The following CADM1 variants were observed in gnomAD, a reference collection of about 807,000 sequenced individuals.
CADM1 encodes cell adhesion molecule 1.
A neutral mutation model predicts 53.1 loss-of-function variants in CADM1; 15 were observed. The ratio of observed to expected loss-of-function variants is 0.28; its 90% CI spans 0.19 to 0.44. CADM1 has a LOEUF of 0.44. Ranked by LOEUF, CADM1 falls within the 20% of genes least tolerant of loss-of-function variation. The pLI is 1.00. For synonymous variants in CADM1, 281 were observed against 243.0 expected (o/e 1.16, Z -1.45); for missense variants, 434 against 611.3 (o/e 0.71, Z 3.06).
intron 10 of CADM1, among the ~76,000 whole-genome samples, chr11:115,183,483 A>G (rs1282764603): frequency 6.6e-6 from 1 of 152,180 alleles, no homozygotes; most frequent in Non-Finnish European, 1.5e-5. Flanking sequence ...GCTCCTGGCA[A>G]ATAGGGACTT....
chr11:115,230,399 A>G (rs1050212239), intron 4 of CADM1, among the ~76,000 whole-genome samples: 6 of 152,146 alleles, frequency 3.9e-5, no homozygotes, highest in African/African-American at 1.4e-4. Flanking sequence ...AATACGATTA[A>G]CCCTATTTTA....
At chr11:115,219,222 T>C (rs1325414475) in intron 5 of CADM1, among the ~76,000 whole-genome samples, 4 of 152,154 alleles carry the variant, frequency 2.6e-5, no homozygotes, top group Non-Finnish European at 5.9e-5. Context: ...ATTCATCCTA[T>C]GGAATAAGGG....
intron 2 of CADM1, among the ~76,000 whole-genome samples, chr11:115,238,911 C>T (rs773023798): frequency 9.2e-5 from 14 of 151,932 alleles, no homozygotes; most frequent in African/African-American, 2.7e-4. Flanking sequence ...CACCCAGCTA[C>T]GCACCCTTCT....
intron 1 of CADM1, among the ~76,000 whole-genome samples, chr11:115,244,386 T>C (rs1163851726): frequency 2.6e-5 from 4 of 152,162 alleles, no homozygotes; most frequent in South Asian, 2.1e-4. Flanking sequence ...CTTGCCTGGA[T>C]TGGAATCTAT....
At chr11:115,178,837 C>T (rs1047178864) in intron 10 of CADM1, 62 bp from the exon 11 acceptor site, 83 of 1,574,624 alleles carry the variant, frequency 5.3e-5, no homozygotes, top group African/African-American at 9.5e-5. Flanking sequence ...GAAGCCCCGG[C>T]GACACTGTCT....
intron 8 of CADM1, among the ~76,000 whole-genome samples, chr11:115,203,936 G>T (rs1403182306): frequency 6.6e-6 from 1 of 152,188 alleles, no homozygotes; most frequent in East Asian, 1.9e-4. Context: ...ACTTGAAAAG[G>T]TGGCTTATTA....
At chr11:115,203,179 G>A (rs934976298) in intron 8 of CADM1, among the ~76,000 whole-genome samples, 16 of 151,930 alleles carry the variant, frequency 1.1e-4, no homozygotes, top group Non-Finnish European at 1.5e-5. Context: ...TTCAAGTTTT[G>A]TTAAAAGCTT....
chr11:115,379,767 T>A lies in CADM1; in HGVS notation c.124+124504A>T, dbSNP rs1342134421. The stretch of plus-strand genomic sequence containing the variant: ...TAGTAAAAATGAGATTATGACTCAT[T>A]TCATTCTGCAGATTTTATGAGTTTA... On this transcript the variant is annotated intron_variant, in intron 1 of 11. Coordinates refer to ENST00000331581, the MANE Select transcript of CADM1 (RefSeq NM_001301043.2). Among the ~76,000 whole-genome samples the A allele has an allele frequency of 2.0e-5, 3 of 152,298 alleles. No homozygotes were observed. In the East Asian group the frequency reaches 5.8e-4, roughly 29 times the overall value.
chr11:115,347,947 G>A (rs1169455030), intron 1 of CADM1, among the ~76,000 whole-genome samples: 1 of 152,132 alleles, frequency 6.6e-6, no homozygotes, highest in Non-Finnish European at 1.5e-5. Flanking sequence ...AGTGGTGCAC[G>A]AAAAATAAGG....
At chr11:115,488,055 A>G (rs774191466) in intron 1 of CADM1, among the ~76,000 whole-genome samples, 11 of 151,468 alleles carry the variant, frequency 7.3e-5, no homozygotes, top group Non-Finnish European at 1.5e-4. Context: ...AAAATCTACC[A>G]AGAAAAAGAA....
chr11:115,310,610 G>A (rs558833843), intron 1 of CADM1, among the ~76,000 whole-genome samples: 1 of 152,248 alleles, frequency 6.6e-6, no homozygotes, highest in Admixed American at 6.5e-5. Flanking sequence ...TCTTTGAGTA[G>A]TGTGCATAGG....
intron 1 of CADM1, among the ~76,000 whole-genome samples, chr11:115,481,880 C>T (rs990472785): frequency 2.6e-5 from 4 of 152,176 alleles, no homozygotes; most frequent in African/African-American, 9.6e-5. Context: ...AACTGCTCTC[C>T]TACCTGAGTC....
chr11:115,266,772 T>C (rs936340215), intron 1 of CADM1, among the ~76,000 whole-genome samples: 20 of 152,252 alleles, frequency 1.3e-4, no homozygotes, highest in African/African-American at 4.6e-4. Context: ...TTGATAAACA[T>C]GCATTCTGTA....
intron 1 of CADM1, among the ~76,000 whole-genome samples, chr11:115,373,193 C>T (rs1230261141): frequency 6.6e-6 from 1 of 152,178 alleles, no homozygotes; most frequent in African/African-American, 2.4e-5. Context: ...GCCTGGCTTT[C>T]ACAGAAGTGA....
intron 1 of CADM1, among the ~76,000 whole-genome samples, chr11:115,321,253 T>C (rs550592892): frequency 1.1e-4 from 16 of 152,122 alleles, no homozygotes; most frequent in Non-Finnish European, 1.9e-4. Flanking sequence ...TCCTAAAGAG[T>C]TGCAAGATTG....
intron 1 of CADM1, among the ~76,000 whole-genome samples, chr11:115,456,694 C>T (rs1049352724): frequency 6.6e-6 from 1 of 152,086 alleles, no homozygotes; most frequent in African/African-American, 2.4e-5. Context: ...GGGTAAATCA[C>T]TAAAATCCCT....
chr11:115,279,294 C>T (rs1943525583), intron 1 of CADM1, among the ~76,000 whole-genome samples: 1 of 152,140 alleles, frequency 6.6e-6, no homozygotes, highest in South Asian at 2.1e-4. Flanking sequence ...TCAATGCCTA[C>T]CAATGGGTTG....
chr11:115,480,784 C>T (rs1049821798), intron 1 of CADM1, among the ~76,000 whole-genome samples: 2 of 152,168 alleles, frequency 1.3e-5, no homozygotes, highest in Admixed American at 1.3e-4. Flanking sequence ...AGCATGGGAT[C>T]CTACTTTCCC....
chr11:115,330,132 G>C (rs1291005653), intron 1 of CADM1, among the ~76,000 whole-genome samples: 7 of 151,642 alleles, frequency 4.6e-5, no homozygotes, highest in Admixed American at 4.6e-4. Context: ...CCTTTGCCAG[G>C]GAACCACCCT....
Sources: gnomAD v4.1 joint callset for allele counts (sites outside exome capture counted in the v4.1 genomes callset) on GRCh38, gnomAD v4.1.1 for gene constraint, MANE v1.5 for transcripts, NCBI Gene and HGNC (gene_info 2026-07-23, HGNC 2026-07-21) for gene names.